The following JAML variants were observed in gnomAD, a reference collection of about 807,000 sequenced individuals.
JAML encodes the protein junctional adhesion molecule-like.
In JAML, 25 loss-of-function variants were observed where a neutral mutation model predicts 39.3. The observed-to-expected ratio is 0.64, with a 90% CI of 0.46 to 0.89. The LOEUF (loss-of-function observed/expected upper bound fraction) is 0.89, where lower values mean the gene tolerates loss of function less well. Among genes scored for constraint, JAML ranks in the 40% least tolerant of loss-of-function variants. The pLI is 0.00. For missense variants in JAML, 440 were observed against 486.9 expected (o/e 0.90, Z 0.91); for synonymous variants, 162 against 179.2 (o/e 0.90, Z 0.77).
chr11:118,199,917 C>T (rs979513090), intron 7 of JAML, among the ~76,000 whole-genome samples: 3 of 151,944 alleles, frequency 2.0e-5, no homozygotes, highest in East Asian at 1.9e-4. Flanking sequence ...AGGATGGTCT[C>T]GATCTCCTGA....
chr11:118,219,937 G>A (rs1949192401), intron 1 of JAML, among the ~76,000 whole-genome samples: 1 of 152,214 alleles, frequency 6.6e-6, no homozygotes, highest in East Asian at 1.9e-4. Flanking sequence ...ACAAACTCTA[G>A]TATCCCTCTG....
rs185886457 is a variant in JAML, at chr11:118,198,133, G to A, written c.912-42C>T. The A allele has an allele frequency of 1.1e-5, 17 of 1,561,000 alleles. No homozygotes were observed. In the Admixed American group the frequency reaches 2.5e-4, roughly 23 times the overall value. The stretch of plus-strand genomic sequence containing the variant: ...GCATGTGGAATTAACCAGCGGGCAT[G>A]GTTTATTCAAGGGTCCCTACATGAG... On this transcript the variant is annotated intron_variant, in intron 7 of 9. Transcript: ENST00000356289.
rs751071355 is a variant in JAML, at chr11:118,210,487, C to T, written c.424G>A (p.Glu142Lys). The change falls in exon 4 of 10, where the codon GAG becomes AAG. Residue 142 changes from glutamate (E) to lysine (K), a missense_variant and splice_region_variant. Coordinates refer to ENST00000356289, the MANE Select transcript of JAML (RefSeq NM_001098526.2). ...VLHVLPEEPK[E>K]LMVHVGGLIQ... is the part of the protein sequence containing the mutation. ...CCTCTTTAAGTAAGCATTTGCGTAC[C>T]TTTGGGCTCCTCTGGAAGCACATGC... The T allele has an allele frequency of 9.9e-6, 16 of 1,613,672 alleles. No homozygotes were observed. The highest frequency in any genetic ancestry group is 1.4e-5 in the Non-Finnish European group (16 of 1,179,978).
intron 9 of JAML, among the ~76,000 whole-genome samples, chr11:118,196,195 C>G (rs939264658): frequency 6.9e-6 from 1 of 145,704 alleles, no homozygotes; most frequent in African/African-American, 2.6e-5. Flanking sequence ...AGTGGTGGAT[C>G]TCGGCTCATG....
chr11:118,200,736 C>T, intron 6 of JAML, 124 bp from the exon 7 acceptor site: 1 of 1,076,554 alleles, frequency 9.3e-7, no homozygotes, highest in South Asian at 1.5e-5. Flanking sequence ...AGACTCCACC[C>T]CATATCTGGA....
rs377011204 is a variant in JAML at position 118,212,426 on chromosome 11, G to C, written c.179C>G (p.Ser60Ter). The C allele has an allele frequency of 6.2e-7, 1 of 1,613,910 alleles. No homozygotes were observed. Among genetic ancestry groups the C allele is most frequent in the Non-Finnish European group, 8.5e-7 (1 of 1,179,996 alleles). The change falls in exon 3 of 10, where the codon TCA becomes TGA. Residue 60 changes from serine to a stop codon, truncating the protein, a stop_gained. Transcript: ENST00000356289. LOFTEE classifies it high-confidence loss of function. The stretch of plus-strand genomic sequence containing the variant: ...CGTTACCTTGGCGTGCTCTCCTGGT[G>C]ACAGAGTCCAGTCTATCTTGAATAT... Reference protein sequence around the residue: ...KCIFKIDWTLSPGEHAKDEYV... With the variant: ...KCIFKIDWTL
At position 118,198,011 on chromosome 11, in the gene JAML, C is replaced by A. The variant is rs553181153; in HGVS notation, c.992G>T (p.Arg331Ile). 6.2e-7 allele frequency: 1 copy of A among 1,614,116 alleles called. No individual in the cohort carries two copies. The highest frequency in any genetic ancestry group is 2.2e-5 in the East Asian group (1 of 44,888). Residue 331 changes from arginine (R) to isoleucine (I), a missense_variant, in exon 8 of 10, where the codon AGA (arginine) becomes ATA (isoleucine). By Grantham distance (97) the Arg-to-Ile change is moderately conservative (BLOSUM62 -3). Coordinates refer to ENST00000356289, the MANE Select transcript of JAML (RefSeq NM_001098526.2). The part of the protein sequence containing the change: ...EIKEKPCHFE[R>I]CEGEKHIYSP... ...GCGTGTGTTCACCTCCCCTTCACATCTTTCAAAATGGCAGGGTTTTTCTTT... is the reference window on the plus strand; with the variant it reads ...GCGTGTGTTCACCTCCCCTTCACATATTTCAAAATGGCAGGGTTTTTCTTT...
chr11:118,217,476 G>C (rs1323629741), intron 1 of JAML, among the ~76,000 whole-genome samples: 3 of 152,242 alleles, frequency 2.0e-5, no homozygotes, highest in African/African-American at 7.2e-5. Flanking sequence ...CGTGAAGACA[G>C]AAGCAATGAT....
In JAML at chr11:118,196,757, G is replaced by A. The variant is rs1224733360; in HGVS notation, c.1070C>T (p.Ser357Leu). 6.2e-7 allele frequency: 1 copy of A among 1,612,498 alleles called. No homozygotes were observed. Among genetic ancestry groups the A allele is most frequent in the Admixed American group, 1.7e-5 (1 of 59,980 alleles). Residue 357 changes from serine to leucine, a missense_variant, in exon 9 of 10, where the codon TCA (serine) becomes TTA (leucine). Ser to Leu is a moderately radical substitution (Grantham distance 145). Coordinates refer to ENST00000356289, the MANE Select transcript of JAML (RefSeq NM_001098526.2). ...VIEEEEPSEK[S>L]EATYMTMHPV... ...CACCATGGTCATGTAGGTGGCCTCT[G>A]ATTTTTCACTTGGTTCTTCTTCCTC...
chr11:118,210,143 T>C (rs960447193), intron 4 of JAML, among the ~76,000 whole-genome samples: 1 of 152,252 alleles, frequency 6.6e-6, no homozygotes, highest in African/African-American at 2.4e-5. Context: ...AAAAAGAACA[T>C]GGACTTTGTT....
chr11:118,200,388 G>A, intron 7 of JAML, 86 bp downstream of exon 7: 2 of 1,489,656 alleles, frequency 1.3e-6, no homozygotes, highest in South Asian at 2.4e-5. Flanking sequence ...GGCATAAGTA[G>A]GGCCCTATCA....
At chr11:118,201,172 A>C (rs1948788676) in intron 6 of JAML, 1 of 152,692 alleles carries the variant, frequency 6.5e-6, no homozygotes, top group Non-Finnish European at 1.5e-5. Flanking sequence ...CTTCCAAGGA[A>C]GAAGACAAAC....
chr11:118,210,772 T>C, intron 3 of JAML, 60 bp from the exon 4 acceptor site: 2 of 1,387,866 alleles, frequency 1.4e-6, no homozygotes. Flanking sequence ...GGAGCCTGGA[T>C]CCCAAAGACT....
intron 1 of JAML, among the ~76,000 whole-genome samples, chr11:118,221,550 G>C (rs1436430646): frequency 6.6e-6 from 1 of 152,204 alleles, no homozygotes; most frequent in African/African-American, 2.4e-5. Context: ...TACCCTCGCT[G>C]ATCTGAAAGG....
chr11:118,194,699 A>G (rs923231364), intron 9 of JAML, among the ~76,000 whole-genome samples: 3 of 152,194 alleles, frequency 2.0e-5, no homozygotes, highest in Non-Finnish European at 4.4e-5. Flanking sequence ...ACAGCTTGTG[A>G]TCTTAACCTC....
chr11:118,219,697 G>A (rs572426424), intron 1 of JAML, among the ~76,000 whole-genome samples: 8 of 152,152 alleles, frequency 5.3e-5, no homozygotes, highest in African/African-American at 9.7e-5. Flanking sequence ...GGTGACATCG[G>A]CCCTAGCTAG....
chr11:118,195,754 C>T lies in JAML; in HGVS notation c.1092+981G>A, dbSNP rs115648788. Among the ~76,000 whole-genome samples the T allele has an allele frequency of 6.6e-3, 1,000 of 152,248 alleles. 11 individuals carry two copies. The highest frequency in any genetic ancestry group is 0.023 in the African/African-American group (943 of 41,538). Reference sequence around the variant, plus strand: ...GCATTGGAAGGAACCCTACTTTGACCTTTTGATAGCAAGGAAAACGACTCA... The same window carrying T: ...GCATTGGAAGGAACCCTACTTTGACTTTTTGATAGCAAGGAAAACGACTCA... On this transcript the variant is annotated intron_variant, in intron 9 of 9. Coordinates refer to ENST00000356289, the MANE Select transcript of JAML (RefSeq NM_001098526.2).
intron 6 of JAML, 176 bp downstream of exon 6, chr11:118,203,252 G>T: frequency 1.3e-6 from 1 of 746,832 alleles, no homozygotes; most frequent in South Asian, 1.5e-5. Flanking sequence ...CCAGGCACCT[G>T]AGGAGCCACC....
At chr11:118,217,837 G>A (rs542920956) in intron 1 of JAML, among the ~76,000 whole-genome samples, 4 of 152,324 alleles carry the variant, frequency 2.6e-5, no homozygotes, top group South Asian at 4.1e-4. Flanking sequence ...TCCTGGATCC[G>A]AGCCTGTGTC....
Sources: allele counts gnomAD v4.1 joint callset (sites outside exome capture counted in the v4.1 genomes callset), GRCh38; gene constraint gnomAD v4.1.1; transcripts MANE v1.5; gene names NCBI Gene and HGNC (gene_info 2026-07-23, HGNC 2026-07-21).